CYTH1: variants seen among roughly 807,000 people sequenced by gnomAD.
The protein encoded by CYTH1 is cytohesin-1.
CYTH1 carries 18 observed loss-of-function variants against 61.8 expected under a neutral mutation model. That is an observed-to-expected ratio of 0.29 (90% CI 0.20 to 0.43). The LOEUF (loss-of-function observed/expected upper bound fraction) is 0.43. CYTH1 is among the 20% of genes least tolerant of loss of function. The pLI, the probability that CYTH1 is intolerant of heterozygous loss-of-function variation, is 1.00. For synonymous variants in CYTH1, 174 were observed against 184.3 expected, an observed-to-expected ratio of 0.94 and a Z score of 0.45; for missense variants, 336 against 510.5, an observed-to-expected ratio of 0.66 and a Z score of 3.29.
chr17:78,695,092 C>T (rs1422104946), intron 10 of CYTH1, among the ~76,000 whole-genome samples: 1 of 152,042 alleles, frequency 6.6e-6, no homozygotes, highest in Non-Finnish European at 1.5e-5. Flanking sequence ...AGTAACTGTG[C>T]GTGTTTGGGG....
intron 1 of CYTH1, among the ~76,000 whole-genome samples, chr17:78,716,427 G>A (rs921222876): frequency 2.0e-5 from 3 of 152,196 alleles, no homozygotes; most frequent in East Asian, 3.9e-4. Context: ...GACAGAAAAC[G>A]CTTCTGGCCA....
chr17:78,697,973 G>GTCCCATGGGGGCAATGACTAT (rs2092959147), intron 9 of CYTH1, among the ~76,000 whole-genome samples: 1 of 152,204 alleles, frequency 6.6e-6, no homozygotes, highest in Non-Finnish European at 1.5e-5. Context: ...TAGTCTCTGT[G>GTCCCATGGGGGCAATGACTAT]TCCCATGGGG....
At chr17:78,709,536 T>TA (rs1400290135) in intron 2 of CYTH1, 114 bp downstream of exon 2, 1 of 991,266 alleles carries the variant, frequency 1.0e-6, no homozygotes, top group Non-Finnish European at 1.6e-6. Context: ...AGAGCTGTAG[T>TA]GAGGGCAGGT....
In CYTH1 at chr17:78,717,904, C is replaced by T. The variant is rs74001214; in HGVS notation, c.23-8172G>A. ...CTCTGCCTAGCTTTCAAATACATCACTTGCCTTATTTTTTTCCACTATAAT... is the reference window on the plus strand; with the variant it reads ...CTCTGCCTAGCTTTCAAATACATCATTTGCCTTATTTTTTTCCACTATAAT... On this transcript the variant is annotated intron_variant, in intron 1 of 13. Coordinates refer to ENST00000446868, the MANE Select transcript of CYTH1 (RefSeq NM_004762.6). This position sits in a 1 kb window ranked among gnomAD's most constrained non-coding sequence, Gnocchi z 4.4. 0.011 allele frequency among the ~76,000 whole-genome samples: 1,680 copies of T among 152,252 alleles called. 29 individuals carry two copies. The highest frequency in any genetic ancestry group is 0.038 in the African/African-American group (1,592 of 41,516).
chr17:78,727,528 C>A, intron 1 of CYTH1: 1 of 341,702 alleles, frequency 2.9e-6, no homozygotes, highest in Non-Finnish European at 6.1e-6. Flanking sequence ...TTCCAGACAT[C>A]ACCCTTACCA....
chr17:78,686,465 T>C (rs1300806296), intron 11 of CYTH1, among the ~76,000 whole-genome samples: 8 of 152,182 alleles, frequency 5.3e-5, no homozygotes, highest in Non-Finnish European at 8.8e-5. Context: ...TCTGATCTGC[T>C]TGTGTCCCCC....
intron 1 of CYTH1, among the ~76,000 whole-genome samples, chr17:78,750,233 T>C (rs1019870616): frequency 2.0e-5 from 3 of 152,176 alleles, no homozygotes; most frequent in Admixed American, 2.0e-4. Flanking sequence ...ACTAATGAAC[T>C]GGATAGGCAG....
chr17:78,750,998 G>T (rs572093482), intron 1 of CYTH1, among the ~76,000 whole-genome samples: 5 of 151,782 alleles, frequency 3.3e-5, no homozygotes, highest in African/African-American at 1.2e-4. Context: ...GTTTTGTTTT[G>T]TTTAAGACAG....
chr17:78,721,637 C>T (rs1227123208), intron 1 of CYTH1, among the ~76,000 whole-genome samples: 2 of 152,218 alleles, frequency 1.3e-5, no homozygotes, highest in Non-Finnish European at 2.9e-5. Flanking sequence ...GCGATGCTGC[C>T]TGGGCTTTCA....
At chr17:78,771,686 G>A (rs1485511351) in intron 1 of CYTH1, among the ~76,000 whole-genome samples, 1 of 150,354 alleles carries the variant, frequency 6.7e-6, no homozygotes, top group Non-Finnish European at 1.5e-5. Context: ...AGCTGAGATT[G>A]CGCCATTGCA....
chr17:78,772,798 A>G (rs1470744144), intron 1 of CYTH1, among the ~76,000 whole-genome samples: 2 of 151,680 alleles, frequency 1.3e-5, no homozygotes, highest in African/African-American at 4.9e-5. Flanking sequence ...GGCCTCCCAA[A>G]GTGTTGGGAT....
At chr17:78,726,411 C>T (rs960888232) in intron 1 of CYTH1, among the ~76,000 whole-genome samples, 3 of 150,796 alleles carry the variant, frequency 2.0e-5, no homozygotes, top group Non-Finnish European at 2.9e-5. Flanking sequence ...AAGAGGCCCC[C>T]TGTCAGTTAC....
At chr17:78,770,354 A>C (rs2093466041) in intron 1 of CYTH1, among the ~76,000 whole-genome samples, 1 of 108,030 alleles carries the variant, frequency 9.3e-6, no homozygotes, top group South Asian at 3.1e-4. Context: ...AGAAAAGAAA[A>C]GAAAAAAAAA....
chr17:78,702,323 G>C, intron 4 of CYTH1, 83 bp from the exon 5 acceptor site: 1 of 1,182,688 alleles, frequency 8.5e-7, no homozygotes, highest in Admixed American at 1.9e-5. Context: ...GAAGAAATGG[G>C]TGTGGGTGCA....
intron 1 of CYTH1, among the ~76,000 whole-genome samples, chr17:78,732,970 C>G (rs746599318): frequency 4.6e-5 from 7 of 151,588 alleles, no homozygotes; most frequent in Non-Finnish European, 8.8e-5. Flanking sequence ...TCCTGTAGTC[C>G]CAGCTACTCG....
intron 9 of CYTH1, 56 bp downstream of exon 9, chr17:78,698,213 A>T (rs1329002141): frequency 3.5e-6 from 5 of 1,430,540 alleles, no homozygotes; most frequent in Non-Finnish European, 4.9e-6. Context: ...ACGCACACAC[A>T]CCGCCTTTCT....
chr17:78,771,096 C>T (rs561072943), intron 1 of CYTH1, among the ~76,000 whole-genome samples: 8 of 152,024 alleles, frequency 5.3e-5, no homozygotes, highest in Non-Finnish European at 1.2e-4. Context: ...AATCCCATCT[C>T]TACTAAAAAT....
intron 1 of CYTH1, among the ~76,000 whole-genome samples, chr17:78,780,931 A>G (rs35134978): frequency 0.075 from 11,464 of 152,066 alleles, 820 homozygotes; most frequent in East Asian, 0.19. Context: ...CGCTCAGCTC[A>G]CCCAGGAGGC....
At chr17:78,729,565 T>C (rs538391019) in intron 1 of CYTH1, among the ~76,000 whole-genome samples, 1 of 152,292 alleles carries the variant, frequency 6.6e-6, no homozygotes, top group South Asian at 2.1e-4. Context: ...GTACAACCTT[T>C]TGGCACTAGC....
Sources: gnomAD v4.1 joint callset for allele counts (sites outside exome capture counted in the v4.1 genomes callset) on GRCh38, gnomAD v4.1.1 for gene constraint, Gnocchi (gnomAD v3.1) non-coding constraint, MANE v1.5 for transcripts, NCBI Gene and HGNC (gene_info 2026-07-23, HGNC 2026-07-21) for gene names.